CAMTA1: variants seen among roughly 807,000 people sequenced by gnomAD.
The protein encoded by CAMTA1 is calmodulin binding transcription activator 1, also known as calmodulin-binding transcription activator 1.
In CAMTA1, 27 loss-of-function variants were observed where a neutral mutation model predicts 170.9. That is an observed-to-expected ratio of 0.16 (90% CI 0.12 to 0.22). The LOEUF is 0.22. CAMTA1 is among the 10% of genes least tolerant of loss of function. CAMTA1 has a pLI of 1.00. For missense variants in CAMTA1, 1,619 were observed against 2,217.2 expected, an observed-to-expected ratio of 0.73 and a Z score of 5.42; for synonymous variants, 833 against 891.5, an observed-to-expected ratio of 0.93 and a Z score of 1.17.
At chr1:7,316,830 A>G (rs1189493452) in intron 5 of CAMTA1, among the ~76,000 whole-genome samples, 1 of 152,156 alleles carries the variant, frequency 6.6e-6, no homozygotes, top group African/African-American at 2.4e-5. Flanking sequence ...ACAGATCAGG[A>G]GGATTCTCAG....
chr1:7,460,583 G>A (rs1257418600), intron 5 of CAMTA1, among the ~76,000 whole-genome samples: 1 of 129,316 alleles, frequency 7.7e-6, no homozygotes, highest in Non-Finnish European at 1.6e-5. Flanking sequence ...CCGTTCTGGA[G>A]GCTGTGACTG....
chr1:6,946,956 G>C (rs1289526820), intron 3 of CAMTA1, among the ~76,000 whole-genome samples: 1 of 152,166 alleles, frequency 6.6e-6, no homozygotes, highest in Non-Finnish European at 1.5e-5. Context: ...CTGACGCTTA[G>C]GTCTTTGATT....
chr1:7,121,209 G>A (rs892359529), intron 4 of CAMTA1, among the ~76,000 whole-genome samples: 1 of 152,254 alleles, frequency 6.6e-6, no homozygotes, highest in Non-Finnish European at 1.5e-5. Context: ...AGGGCTGGCC[G>A]AGGACTGGGT....
chr1:7,234,788 CTTTT>C lies in CAMTA1; in HGVS notation c.303-14689_303-14686del, dbSNP rs34493681. Among the ~76,000 whole-genome samples the C allele has an allele frequency of 2.2e-5, 3 of 136,418 alleles. No homozygotes were observed. Among genetic ancestry groups the C allele is most frequent in the Non-Finnish European group, 4.7e-5 (3 of 64,122 alleles). The allele number at this position is 136,418 out of a possible 152,430, so 89.5% of individuals were successfully genotyped here. On this transcript the variant is annotated intron_variant, in intron 4 of 22. Coordinates refer to ENST00000303635, the MANE Select transcript of CAMTA1 (RefSeq NM_015215.4). This position sits in a 1 kb window ranked among gnomAD's most constrained non-coding sequence, Gnocchi z 5.0. ...GGGAAATTGGAAAATACAAGTTGACCTTTTTTTTTTTTTTTTTAGATAGAGTCTC... is the reference window on the plus strand; with the variant it reads ...GGGAAATTGGAAAATACAAGTTGACCTTTTTTTTTTTTTAGATAGAGTCTC...
At chr1:7,154,896 AGCCCCTCCCCACTCCAGCCGG>A (rs1646775450) in intron 4 of CAMTA1, among the ~76,000 whole-genome samples, 1 of 152,068 alleles carries the variant, frequency 6.6e-6, no homozygotes, top group Non-Finnish European at 1.5e-5. Flanking sequence ...TTCCCTGCAG[AGCCCCTCCCCACTCCAGCCGG>A]GCTTGTGGGT....
intron 3 of CAMTA1, among the ~76,000 whole-genome samples, chr1:6,839,360 C>A (rs534501430): frequency 6.6e-6 from 1 of 151,844 alleles, no homozygotes; most frequent in African/African-American, 2.4e-5. Flanking sequence ...CCAGCCTGGG[C>A]GACAGAGCGA....
At chr1:7,094,364 C>A (rs1215089227) in intron 4 of CAMTA1, among the ~76,000 whole-genome samples, 1 of 151,316 alleles carries the variant, frequency 6.6e-6, no homozygotes, top group Non-Finnish European at 1.5e-5. Flanking sequence ...CAATACTCTG[C>A]TGAATGAGAA....
chr1:7,119,390 T>C (rs748977755), intron 4 of CAMTA1, among the ~76,000 whole-genome samples: 9 of 152,096 alleles, frequency 5.9e-5, no homozygotes, highest in African/African-American at 1.2e-4. Flanking sequence ...ACCACAGGGC[T>C]CCTAACCTCC....
intron 1 of CAMTA1, among the ~76,000 whole-genome samples, chr1:6,789,804 CT>C (rs34542033): frequency 0.21 from 17,787 of 83,642 alleles, 403 homozygotes; most frequent in Middle Eastern, 0.24. Flanking sequence ...TTTAGTGTAT[CT>C]TTTTTTTTTT....
intron 22 of CAMTA1, among the ~76,000 whole-genome samples, chr1:7,760,572 A>G (rs1204238095): frequency 6.6e-6 from 1 of 152,244 alleles, no homozygotes; most frequent in Non-Finnish European, 1.5e-5. Flanking sequence ...TTAAATCTTC[A>G]AAGTAATTTT....
chr1:7,102,315 C>T (rs1642840226), intron 4 of CAMTA1, among the ~76,000 whole-genome samples: 1 of 152,078 alleles, frequency 6.6e-6, no homozygotes, highest in Non-Finnish European at 1.5e-5. Context: ...GCAGCCACGT[C>T]CGGGAGGGGA....
chr1:7,597,916 C>T (rs115553471), intron 6 of CAMTA1, among the ~76,000 whole-genome samples: 4,988 of 150,816 alleles, frequency 0.033, 116 homozygotes, highest in Non-Finnish European at 0.048. Flanking sequence ...TGGTTTGCTG[C>T]GACTATCAAC....
At chr1:7,564,129 A>T (rs1197472196) in intron 6 of CAMTA1, among the ~76,000 whole-genome samples, 1 of 152,164 alleles carries the variant, frequency 6.6e-6, no homozygotes, top group Non-Finnish European at 1.5e-5. Flanking sequence ...GGCTCTCCGG[A>T]TGTTCCGACC....
chr1:7,365,917 G>T (rs900650152), intron 5 of CAMTA1, among the ~76,000 whole-genome samples: 1 of 152,216 alleles, frequency 6.6e-6, no homozygotes, highest in African/African-American at 2.4e-5. Context: ...TCCGCGCACA[G>T]GGTCATCAGC....
chr1:7,705,433 G>C (rs2096506534), intron 11 of CAMTA1, among the ~76,000 whole-genome samples: 1 of 151,394 alleles, frequency 6.6e-6, no homozygotes, highest in Non-Finnish European at 1.5e-5. Context: ...TGCGCGCGCG[G>C]GCCGGATGAG....
intron 11 of CAMTA1, among the ~76,000 whole-genome samples, chr1:7,703,484 G>A (rs1372247917): frequency 6.6e-6 from 1 of 152,190 alleles, no homozygotes; most frequent in Non-Finnish European, 1.5e-5. Flanking sequence ...GCAGGACCCA[G>A]CTTGGTCAGG....
chr1:7,132,435 C>T (rs1045494491), intron 4 of CAMTA1, among the ~76,000 whole-genome samples: 4 of 152,244 alleles, frequency 2.6e-5, no homozygotes, highest in South Asian at 2.1e-4. Flanking sequence ...TCACCATGCT[C>T]GGCTGATTTT....
intron 6 of CAMTA1, among the ~76,000 whole-genome samples, chr1:7,492,704 C>CGT (rs2093730365): frequency 1.4e-5 from 2 of 146,086 alleles, no homozygotes; most frequent in African/African-American, 5.3e-5. Flanking sequence ...CAAACACACA[C>CGT]GCAGGCACAC....
intron 6 of CAMTA1, among the ~76,000 whole-genome samples, chr1:7,535,069 G>T (rs1006113184): frequency 6.6e-6 from 1 of 152,094 alleles, no homozygotes; most frequent in Non-Finnish European, 1.5e-5. Context: ...CAGGCCGCCC[G>T]CCCCACCCCG....
Sources: allele counts gnomAD v4.1 joint callset (sites outside exome capture counted in the v4.1 genomes callset), GRCh38; gene constraint gnomAD v4.1.1; non-coding constraint Gnocchi (gnomAD v3.1); transcripts MANE v1.5; gene names NCBI Gene and HGNC (gene_info 2026-07-23, HGNC 2026-07-21).